The following TJP2 variants were observed in gnomAD, a reference collection of about 807,000 sequenced individuals.
TJP2 encodes tight junction protein 2.
In TJP2, 91 loss-of-function variants were observed where a neutral mutation model predicts 133.1. The observed-to-expected ratio is 0.68, with a 90% CI of 0.58 to 0.81. The LOEUF (loss-of-function observed/expected upper bound fraction) is 0.81, where lower values mean the gene tolerates loss of function less well. TJP2 is among the 40% of genes least tolerant of loss of function. TJP2 has a pLI of 0.00. For synonymous variants in TJP2, 592 were observed against 583.4 expected, an observed-to-expected ratio of 1.01 and a Z score of -0.21; for missense variants, 1,541 against 1,565.6, an observed-to-expected ratio of 0.98 and a Z score of 0.26.
intron 2 of TJP2, among the ~76,000 whole-genome samples, chr9:69,161,518 C>T (rs527940180): frequency 4.6e-5 from 7 of 152,176 alleles, no homozygotes; most frequent in Admixed American, 1.3e-4. Context: ...TGAGCCACTG[C>T]GCCCGGCCTG....
chr9:69,183,385 C>A (rs117175842), intron 1 of TJP2, among the ~76,000 whole-genome samples: 1 of 152,260 alleles, frequency 6.6e-6, no homozygotes, highest in Non-Finnish European at 1.5e-5. Flanking sequence ...CTTCTCTCAC[C>A]GTGGAACACT....
At chr9:69,149,960 G>C (rs560025175) in intron 1 of TJP2, among the ~76,000 whole-genome samples, 1 of 152,170 alleles carries the variant, frequency 6.6e-6, no homozygotes, top group East Asian at 1.9e-4. Flanking sequence ...CACCAGCCGG[G>C]CCAACGTGGT....
rs753800833 is a variant in TJP2, at chr9:69,205,121, G to A, written c.61-7427G>A. On this transcript the variant is annotated intron_variant, in intron 1 of 22. Transcript: ENST00000377245. The stretch of plus-strand genomic sequence containing the variant: ...AGTGATGGAAATGGGTGAGCAGCCC[G>A]GAATGTAGGCGGTGGCCTGGCCCAT... 125 of 1,536,288 alleles carry A rather than the reference G, an allele frequency of 8.1e-5. 3 individuals are homozygous for A. The South Asian group carries it at 9.9e-4, about 12-fold the overall frequency.
rs534252810 is a variant in TJP2, at chr9:69,238,901, A to G, written c.2355+112A>G. The G allele has an allele frequency of 7.0e-4, 709 of 1,017,970 alleles. 6 individuals carry two copies. The highest frequency in any genetic ancestry group is 4.1e-3 in the Middle Eastern group (16 of 3,944). The allele number at this position is 1,017,970 out of a possible 1,614,324, so 63.1% of individuals were successfully genotyped here. A position where few individuals can be genotyped will look rare whatever the true frequency, so the allele number is the denominator to read the frequency against. ...TTAATCATTAAATGTTAATAATAAA[A>G]AATTGGCCGGGCACAGTGGCTTACA... On this transcript the variant is annotated intron_variant, in intron 16 of 22. Coordinates refer to ENST00000377245, the MANE Select transcript of TJP2 (RefSeq NM_004817.4).
intron 1 of TJP2, chr9:69,204,674 A>T: frequency 5.8e-6 from 2 of 344,446 alleles, no homozygotes; most frequent in South Asian, 1.2e-4. Context: ...CATGCTTTTT[A>T]ATTTCTGTGT....
At chr9:69,185,919 G>C (rs982007538) in intron 1 of TJP2, among the ~76,000 whole-genome samples, 13 of 146,062 alleles carry the variant, frequency 8.9e-5, no homozygotes, top group African/African-American at 3.3e-4. Context: ...ACGGAGTCTC[G>C]GTTGCGCCTG....
chr9:69,158,988 C>A (rs1225322075), intron 2 of TJP2, among the ~76,000 whole-genome samples: 1 of 151,794 alleles, frequency 6.6e-6, no homozygotes, highest in Non-Finnish European at 1.5e-5. Flanking sequence ...CACCGCCCCC[C>A]CCCCATCAAA....
chr9:69,181,240 CTTTTTTTTT>C (rs149100552), intron 1 of TJP2, among the ~76,000 whole-genome samples: 25 of 73,186 alleles, frequency 3.4e-4, no homozygotes, highest in South Asian at 1.9e-3. Context: ...TTTGCAATTT[CTTTTTTTTT>C]TTTTTTTTTT....
intron 1 of TJP2, among the ~76,000 whole-genome samples, chr9:69,146,167 T>C (rs1823202043): frequency 6.6e-6 from 1 of 152,242 alleles, no homozygotes; most frequent in African/African-American, 2.4e-5. Context: ...ATTACTATAA[T>C]GTTTTTCAAC....
At chr9:69,248,602 T>C in intron 19 of TJP2, 6 of 1,156,032 alleles carry the variant, frequency 5.2e-6, no homozygotes, top group Non-Finnish European at 5.3e-6. Context: ...TGTCCTTGCT[T>C]TTCTTCCCCA....
intron 1 of TJP2, among the ~76,000 whole-genome samples, chr9:69,196,511 G>A (rs534526197): frequency 1.3e-5 from 2 of 152,166 alleles, no homozygotes; most frequent in Non-Finnish European, 2.9e-5. Flanking sequence ...GGAAACTGAG[G>A]CAAGGAGAAA....
chr9:69,231,274 T>C (rs1829758495), intron 11 of TJP2, among the ~76,000 whole-genome samples: 2 of 152,096 alleles, frequency 1.3e-5, no homozygotes, highest in Admixed American at 1.3e-4. Flanking sequence ...ATTTTTGTCT[T>C]TTTAGTAGAG....
At chr9:69,215,401 T>TG (rs923508286) in intron 2 of TJP2, among the ~76,000 whole-genome samples, 24 of 151,858 alleles carry the variant, frequency 1.6e-4, no homozygotes, top group African/African-American at 5.5e-4. Flanking sequence ...TTTTTTTTTT[T>TG]TGTTTTTTAG....
intron 1 of TJP2, among the ~76,000 whole-genome samples, chr9:69,200,414 A>C (rs1288148343): frequency 1.3e-5 from 2 of 151,928 alleles, no homozygotes; most frequent in African/African-American, 4.8e-5. Flanking sequence ...TAGACACAGG[A>C]TCTCACTGTA....
chr9:69,224,735 C>G (rs185474800), intron 5 of TJP2, among the ~76,000 whole-genome samples: 60 of 152,242 alleles, frequency 3.9e-4, no homozygotes, highest in Admixed American at 1.8e-3. Flanking sequence ...TAACCTTCAT[C>G]TAGTTTTACC....
chr9:69,226,631 TG>T (rs1829370783), intron 7 of TJP2, among the ~76,000 whole-genome samples: 2 of 152,172 alleles, frequency 1.3e-5, no homozygotes, highest in African/African-American at 4.8e-5. Flanking sequence ...CCTGAGTAGC[TG>T]GGATTATGGG....
In TJP2 at chr9:69,125,901, G is replaced by A. The variant is rs1446944311; in HGVS notation, c.-131+4176G>A. 6.5e-5 allele frequency among the ~76,000 whole-genome samples: 5 copies of A among 77,226 alleles called. 2 individuals are homozygous for A. Among genetic ancestry groups the A allele is most frequent in the African/African-American group, 2.0e-4 (5 of 25,294 alleles). The allele number at this position is 77,226 out of a possible 152,430, so 50.7% of individuals were successfully genotyped here. A position where few individuals can be genotyped will look rare whatever the true frequency, so the allele number is the denominator to read the frequency against. On this transcript the variant is annotated intron_variant, in intron 1 of 5. Coordinates refer to the TJP2 transcript ENST00000423935. ...TAGGAGATATCAAGGTACTGGACTA[G>A]TATTTGATTTAGCATTAATGAACAC...
chr9:69,196,948 C>CGTGTGTGTGTGT (rs1826616328), intron 1 of TJP2, among the ~76,000 whole-genome samples: 5 of 127,852 alleles, frequency 3.9e-5, no homozygotes, highest in African/African-American at 1.4e-4. Context: ...TGTGTGTGTA[C>CGTGTGTGTGTGT]ACACACACAC....
intron 12 of TJP2, among the ~76,000 whole-genome samples, chr9:69,235,474 C>G (rs1356680785): frequency 6.6e-6 from 1 of 152,020 alleles, no homozygotes; most frequent in Admixed American, 6.6e-5. Flanking sequence ...AGGCGCCCAC[C>G]ACCACGCCCG....
Sources: gnomAD v4.1 joint callset for allele counts (sites outside exome capture counted in the v4.1 genomes callset) on GRCh38, gnomAD v4.1.1 for gene constraint, MANE v1.5 for transcripts, NCBI Gene and HGNC (gene_info 2026-07-23, HGNC 2026-07-21) for gene names.